The following YWHAE variants were observed in gnomAD, a reference collection of about 807,000 sequenced individuals.
YWHAE encodes tyrosine 3-monooxygenase/tryptophan 5-monooxygenase activation protein epsilon.
Under a neutral mutation model 30.1 loss-of-function variants are expected in YWHAE, and 4 were observed. The observed-to-expected ratio is 0.13, with a 90% CI of 0.07 to 0.30. The LOEUF is 0.30. Among genes scored for constraint, YWHAE ranks in the 10% least tolerant of loss-of-function variants. The pLI is 1.00. For synonymous variants in YWHAE, 118 were observed against 111.8 expected, an observed-to-expected ratio of 1.06 and a Z score of -0.35; for missense variants, 121 against 315.9, an observed-to-expected ratio of 0.38 and a Z score of 4.68.
intron 1 of YWHAE, among the ~76,000 whole-genome samples, chr17:1,394,294 G>A (rs533156990): frequency 1.3e-5 from 2 of 152,080 alleles, no homozygotes; most frequent in South Asian, 4.1e-4. Context: ...GTGAACTGAG[G>A]TACTGCATAA....
intron 1 of YWHAE, among the ~76,000 whole-genome samples, chr17:1,396,924 T>C (rs2073481018): frequency 7.7e-6 from 1 of 129,362 alleles, no homozygotes; most frequent in Non-Finnish European, 1.6e-5. Flanking sequence ...ACCTGGCCTC[T>C]TTTTTTTTTT....
At chr17:1,356,022 A>C (rs947203621) in intron 4 of YWHAE, among the ~76,000 whole-genome samples, 1 of 152,118 alleles carries the variant, frequency 6.6e-6, no homozygotes, top group African/African-American at 2.4e-5. Context: ...CAAAAAAATT[A>C]GCCGGGAGCA....
At chr17:1,376,300 T>C (rs1308804674) in intron 1 of YWHAE, among the ~76,000 whole-genome samples, 3 of 151,820 alleles carry the variant, frequency 2.0e-5, no homozygotes, top group Non-Finnish European at 4.4e-5. Flanking sequence ...CCAGGCATGG[T>C]GGCGTCTGCC....
intron 1 of YWHAE, among the ~76,000 whole-genome samples, chr17:1,397,474 C>T (rs2073491677): frequency 6.6e-6 from 1 of 152,250 alleles, no homozygotes; most frequent in Admixed American, 6.5e-5. Context: ...TTGATTCCAA[C>T]GCCCCAGGAT....
chr17:1,352,797 T>C (rs142958289), intron 5 of YWHAE, among the ~76,000 whole-genome samples: 1 of 152,280 alleles, frequency 6.6e-6, no homozygotes, highest in Non-Finnish European at 1.5e-5. Context: ...AGTGCTGGGA[T>C]TATAGGCATG....
intron 1 of YWHAE, among the ~76,000 whole-genome samples, chr17:1,374,335 T>C (rs899169537): frequency 4.1e-5 from 6 of 145,522 alleles, no homozygotes; most frequent in Non-Finnish European, 9.1e-5. Flanking sequence ...AAAAAAAAAA[T>C]CCATTCGTTA....
At chr17:1,361,333 A>G in intron 3 of YWHAE, 35 bp from the exon 4 acceptor site, 1 of 1,236,568 alleles carries the variant, frequency 8.1e-7, no homozygotes. Context: ...AAAAAAAAAA[A>G]TTTAAACTAG....
intron 1 of YWHAE, among the ~76,000 whole-genome samples, chr17:1,375,618 TAA>T (rs753907374): frequency 2.6e-5 from 4 of 152,132 alleles, no homozygotes; most frequent in Non-Finnish European, 4.4e-5. Context: ...GGTGGGTGAT[TAA>T]AATCGCCACT....
At chr17:1,353,437 CAAAAA>C (rs554293231) in intron 5 of YWHAE, among the ~76,000 whole-genome samples, 11 of 87,874 alleles carry the variant, frequency 1.3e-4, no homozygotes, top group South Asian at 1.0e-3. Flanking sequence ...GACTCCATCT[CAAAAA>C]AAAAAAAAGA....
At chr17:1,395,158 C>A (rs759465374) in intron 1 of YWHAE, among the ~76,000 whole-genome samples, 1 of 148,454 alleles carries the variant, frequency 6.7e-6, no homozygotes, top group African/African-American at 2.5e-5. Flanking sequence ...TTTGGGAGGC[C>A]GAGGCAGGCA....
At chr17:1,392,599 C>A (rs1156365522) in intron 1 of YWHAE, among the ~76,000 whole-genome samples, 2 of 152,094 alleles carry the variant, frequency 1.3e-5, no homozygotes, top group African/African-American at 4.8e-5. Flanking sequence ...CCTATAATCC[C>A]AGCATTTTGG....
At chr17:1,365,510 A>T (rs2072928457) in intron 1 of YWHAE, among the ~76,000 whole-genome samples, 1 of 152,244 alleles carries the variant, frequency 6.6e-6, no homozygotes, top group African/African-American at 2.4e-5. Flanking sequence ...TATACGGAGT[A>T]TATGGTTGGC....
At chr17:1,370,418 A>C (rs963247497) in intron 1 of YWHAE, among the ~76,000 whole-genome samples, 1 of 151,406 alleles carries the variant, frequency 6.6e-6, no homozygotes, top group Non-Finnish European at 1.5e-5. Flanking sequence ...GGCGTGAGCC[A>C]CCGCGACTGG....
intron 1 of YWHAE, among the ~76,000 whole-genome samples, chr17:1,396,559 CCAA>C (rs1244683224): frequency 1.3e-5 from 2 of 152,204 alleles, no homozygotes; most frequent in African/African-American, 4.8e-5. Flanking sequence ...AAGGACAAAA[CCAA>C]CAACAGCCCC....
At chr17:1,385,432 C>A (rs1405145374) in intron 1 of YWHAE, among the ~76,000 whole-genome samples, 1 of 152,134 alleles carries the variant, frequency 6.6e-6, no homozygotes, top group East Asian at 1.9e-4. Flanking sequence ...CACCATACTG[C>A]AATTTACTAA....
intron 1 of YWHAE, among the ~76,000 whole-genome samples, chr17:1,396,332 G>C (rs1314204202): frequency 2.0e-5 from 3 of 152,134 alleles, no homozygotes; most frequent in Non-Finnish European, 4.4e-5. Context: ...GGTGAGGCAG[G>C]AGAATCGCTT....
chr17:1,365,326 A>C (rs2072925605), intron 1 of YWHAE, among the ~76,000 whole-genome samples: 1 of 152,150 alleles, frequency 6.6e-6, no homozygotes, highest in Non-Finnish European at 1.5e-5. Flanking sequence ...GTCTGAAAGC[A>C]CCTCTCATTA....
Position 1,361,283 on chromosome 17 carries a change from G to T in YWHAE, c.387C>A (p.His129Gln). The T allele has an allele frequency of 6.2e-7, 1 of 1,606,794 alleles. No individual in the cohort carries two copies. Residue 129 changes from histidine (H) to glutamine (Q), a missense_variant, in exon 4 of 6, where the codon CAC becomes CAA. Physicochemically the swap from His to Gln is conservative, Grantham distance 24. This residue lies in a region of YWHAE where 99 missense variants were observed against 289.3 expected (regional missense o/e 0.34). Coordinates refer to ENST00000264335, the MANE Select transcript of YWHAE (RefSeq NM_006761.5). ...CTGTGGCAAATTCTGCCAGATACCTGTGGTAGTCCCCTTTCCTAAAACAAA... is the reference window on the plus strand; with the variant it reads ...CTGTGGCAAATTCTGCCAGATACCTTTGGTAGTCCCCTTTCCTAAAACAAA... ...VFYYKMKGDY[H>Q]RYLAEFATGN...
chr17:1,366,684 T>C (rs2072948739), intron 1 of YWHAE, among the ~76,000 whole-genome samples: 1 of 152,162 alleles, frequency 6.6e-6, no homozygotes, highest in Admixed American at 6.5e-5. Flanking sequence ...GGATCACACC[T>C]GTAATCTCAG....
Sources: allele counts gnomAD v4.1 joint callset (sites outside exome capture counted in the v4.1 genomes callset), GRCh38; gene constraint gnomAD v4.1.1; regional missense constraint gnomAD v4.1.1; transcripts MANE v1.5; gene names NCBI Gene and HGNC (gene_info 2026-07-23, HGNC 2026-07-21).